The following CCDC160 variants were observed in gnomAD, a reference collection of about 807,000 sequenced individuals.
CCDC160 encodes coiled-coil domain-containing protein 160.
For missense variants in CCDC160, 227 were observed against 215.6 expected (o/e 1.05, Z -0.33); for synonymous variants, 94 against 79.4 (o/e 1.18, Z -0.98).
chrX:134,246,484 G>T (rs1417767195), downstream of CCDC160, among the ~76,000 whole-genome samples: 2 of 111,549 alleles, frequency 1.8e-5, no homozygotes, highest in Admixed American at 1.9e-4. Flanking sequence ...ATGTTGACCA[G>T]TAAGGGGCAT....
chrX:134,242,590 T>C (rs1376619731), intron 1 of CCDC160, among the ~76,000 whole-genome samples: 1 of 110,648 alleles, frequency 9.0e-6, no homozygotes, highest in Non-Finnish European at 1.9e-5. Flanking sequence ...TGTGTGTGCA[T>C]GTGTGCATAT....
At chrX:134,239,976 G>T (rs984257283) in intron 1 of CCDC160, among the ~76,000 whole-genome samples, 2 of 111,777 alleles carry the variant, frequency 1.8e-5, no homozygotes, top group African/African-American at 6.5e-5. Flanking sequence ...AATGTTGCAT[G>T]GTAAAACATA....
At chrX:134,245,075 A>G in exon 2 of CCDC160, 2 of 1,184,598 alleles carry the variant, frequency 1.7e-6, no homozygotes, top group Non-Finnish European at 2.3e-6. Context: ...AATGAAACAG[A>G]CACAAATTCT....
rs762673363 is a variant in CCDC160, at chrX:134,244,773, T to C, written c.-24-4T>C. On this transcript the variant is annotated splice_region_variant and splice_polypyrimidine_tract_variant and intron_variant, in intron 1 of 1. Transcript: ENST00000370809. ...CTGCCTTGGTTTTAAATTTTGTTTT[T>C]CAGATATTGGAAGAGGTGCCTGGAG... The C allele has an allele frequency of 1.8e-6, 2 of 1,136,556 alleles. No homozygotes were observed. The highest frequency in any genetic ancestry group is 6.6e-5 in the Admixed American group (2 of 30,168). 93.7% of individuals were successfully genotyped at this position (1,136,556 alleles called of 1,213,427 possible).
chrX:134,238,075 G>A (rs2077015894), intron 1 of CCDC160, among the ~76,000 whole-genome samples: 1 of 111,782 alleles, frequency 8.9e-6, no homozygotes, highest in African/African-American at 3.3e-5. Flanking sequence ...TACACTCTGA[G>A]GGAGGGAGGC....
At chrX:134,244,164 C>T (rs2077035279) in intron 1 of CCDC160, among the ~76,000 whole-genome samples, 1 of 111,752 alleles carries the variant, frequency 8.9e-6, no homozygotes, top group East Asian at 2.8e-4. Flanking sequence ...GGATAGAATT[C>T]TGTACACTTG....
chrX:134,244,241 C>G, intron 1 of CCDC160, among the ~76,000 whole-genome samples: 1 of 111,444 alleles, frequency 9.0e-6, no homozygotes, highest in Non-Finnish European at 1.9e-5. Flanking sequence ...GACAGAAGGG[C>G]ATTTGGCAGA....
chrX:134,246,625 G>A (rs2077043938), downstream of CCDC160, among the ~76,000 whole-genome samples: 1 of 112,009 alleles, frequency 8.9e-6, no homozygotes, highest in Non-Finnish European at 1.9e-5. Flanking sequence ...GAGCTGGCTT[G>A]ATTTTTACAG....
chrX:134,238,905 A>G (rs999332755), intron 1 of CCDC160, 65 bp downstream of exon 2: 5 of 111,488 alleles, frequency 4.5e-5, no homozygotes, highest in African/African-American at 1.3e-4. Context: ...CTTACGCAAC[A>G]TAACTCTTCA....
At chrX:134,243,937 A>G (rs760083742) in intron 1 of CCDC160, among the ~76,000 whole-genome samples, 27 of 111,234 alleles carry the variant, frequency 2.4e-4, no homozygotes, top group Non-Finnish European at 4.9e-4. Flanking sequence ...AAAGCTGTAC[A>G]TTAAGGATGT....
intron 1 of CCDC160, among the ~76,000 whole-genome samples, chrX:134,239,605 T>G (rs937311022): frequency 7.2e-5 from 8 of 111,356 alleles, no homozygotes; most frequent in Admixed American, 3.8e-4. Flanking sequence ...ACTTTTTTTT[T>G]CAAACTAACT....
chrX:134,243,020 A>G (rs2077032205), intron 1 of CCDC160, among the ~76,000 whole-genome samples: 1 of 111,610 alleles, frequency 9.0e-6, no homozygotes, highest in Non-Finnish European at 1.9e-5. Flanking sequence ...TTGCATTCAT[A>G]TTTCTAGAGA....
intron 1 of CCDC160, among the ~76,000 whole-genome samples, chrX:134,238,296 G>A (rs1227597567): frequency 9.2e-6 from 1 of 108,694 alleles, no homozygotes; most frequent in Non-Finnish European, 1.9e-5. Context: ...TTGACAAAAA[G>A]AGAAATTACC....
intron 1 of CCDC160, among the ~76,000 whole-genome samples, chrX:134,243,535 G>T (rs1383290623): frequency 5.4e-5 from 6 of 111,756 alleles, no homozygotes; most frequent in Non-Finnish European, 1.1e-4. Flanking sequence ...AGTTATCTCA[G>T]GGCCATGAGA....
intron 1 of CCDC160, among the ~76,000 whole-genome samples, chrX:134,240,497 T>C (rs1026302208): frequency 1.3e-4 from 14 of 109,804 alleles, no homozygotes; most frequent in Non-Finnish European, 2.7e-4. Context: ...TCATTCCCAG[T>C]TTACAAAGTT....
chrX:134,242,385 C>A (rs1306023863), intron 1 of CCDC160, among the ~76,000 whole-genome samples: 1 of 111,125 alleles, frequency 9.0e-6, no homozygotes, highest in African/African-American at 3.3e-5. Flanking sequence ...AGACAGGGTC[C>A]TCAGTTTTAC....
downstream of CCDC160, chrX:134,245,861 T>C (rs1229209560): frequency 1.4e-5 from 9 of 639,531 alleles, no homozygotes; most frequent in African/African-American, 1.9e-4. Flanking sequence ...ACTTAAAATA[T>C]ATGTAATAGG....
At chrX:134,243,471 T>A in intron 1 of CCDC160, 1 of 335,191 alleles carries the variant, frequency 3.0e-6, no homozygotes, top group Non-Finnish European at 3.9e-6. Context: ...CTGTGTTATT[T>A]AAAAATAAAC....
chrX:134,242,101 GA>G (rs986249663), intron 1 of CCDC160, among the ~76,000 whole-genome samples: 1 of 106,444 alleles, frequency 9.4e-6, no homozygotes, highest in Admixed American at 1.0e-4. Context: ...AAAGAGAGAA[GA>G]AAAAAAAAAG....
Sources: gnomAD v4.1 joint callset for allele counts (sites outside exome capture counted in the v4.1 genomes callset) on GRCh38, gnomAD v4.1.1 for gene constraint, MANE v1.5 for transcripts, NCBI Gene and HGNC (gene_info 2026-07-23, HGNC 2026-07-21) for gene names.